Variants in MAGI2 observed in about 807,000 individuals in gnomAD.
The protein encoded by MAGI2 is membrane associated guanylate kinase, WW and PDZ domain containing 2, also known as membrane-associated guanylate kinase, WW and PDZ domain-containing protein 2.
MAGI2 carries 35 observed loss-of-function variants against 133.3 expected under a neutral mutation model. The ratio of observed to expected loss-of-function variants is 0.26; its 90% confidence interval spans 0.20 to 0.35. MAGI2 has a LOEUF of 0.35. Ranked by LOEUF, MAGI2 falls within the 10% of genes least tolerant of loss-of-function variation. MAGI2 has a pLI of 1.00. For synonymous variants in MAGI2, 729 were observed against 710.6 expected (o/e 1.03, Z -0.41); for missense variants, 1,636 against 1,863.4 (o/e 0.88, Z 2.25).
rs913969344 is a variant in MAGI2, at chr7:79,225,211, T to C, written c.302-218005A>G. 8.5e-5 allele frequency among the ~76,000 whole-genome samples: 13 copies of C among 152,298 alleles called. 1 individual carries two copies. The highest frequency in any genetic ancestry group is 7.2e-4 in the Admixed American group (11 of 15,294). On this transcript the variant is annotated intron_variant, in intron 1 of 21. Transcript: ENST00000354212. ...TTTGTCTCTTATGATACATAAAATA[T>C]AGAACCCGTGCCTGACACTGCACCA...
intron 15 of MAGI2, among the ~76,000 whole-genome samples, chr7:78,163,115 C>G (rs776909424): frequency 5.3e-5 from 8 of 152,016 alleles, no homozygotes; most frequent in Non-Finnish European, 1.0e-4. Context: ...CTACTAAAGT[C>G]AAATAATTAG....
chr7:78,554,560 C>T (rs1033665379), intron 3 of MAGI2: 1 of 152,250 alleles, frequency 6.6e-6, no homozygotes, highest in African/African-American at 2.4e-5. Context: ...AGGAAGGTCA[C>T]TCTTACCTTC....
intron 1 of MAGI2, among the ~76,000 whole-genome samples, chr7:79,317,328 T>G (rs1398284051): frequency 6.6e-6 from 1 of 152,112 alleles, no homozygotes; most frequent in African/African-American, 2.4e-5. Context: ...CCAGCCAAAC[T>G]GTAGCTTTTA....
At chr7:79,099,992 G>A (rs1817837432) in intron 1 of MAGI2, among the ~76,000 whole-genome samples, 1 of 152,114 alleles carries the variant, frequency 6.6e-6, no homozygotes, top group South Asian at 2.1e-4. Flanking sequence ...GCATATATGT[G>A]TGTGAACATT....
At chr7:78,163,584 A>G (rs1472085805) in intron 15 of MAGI2, among the ~76,000 whole-genome samples, 1 of 152,120 alleles carries the variant, frequency 6.6e-6, no homozygotes, top group Non-Finnish European at 1.5e-5. Flanking sequence ...AGTACATTTA[A>G]CTATTGGCCA....
chr7:78,813,988 C>A (rs1198330582), intron 2 of MAGI2, among the ~76,000 whole-genome samples: 2 of 152,086 alleles, frequency 1.3e-5, no homozygotes, highest in African/African-American at 4.8e-5. Flanking sequence ...CCCTTCTATT[C>A]CACATTACAC....
At chr7:78,162,524 C>CAA (rs773765110) in intron 15 of MAGI2, among the ~76,000 whole-genome samples, 1,822 of 54,530 alleles carry the variant, frequency 0.033, 57 homozygotes, top group Non-Finnish European at 0.044. Context: ...GACTCTGCCT[C>CAA]AAAAAAAAAA....
chr7:78,202,215 T>G lies in MAGI2; in HGVS notation c.2048-1022A>C, dbSNP rs1313894815. Among the ~76,000 whole-genome samples the G allele has an allele frequency of 2.6e-5, 4 of 151,760 alleles. 1 individual carries two copies. Among genetic ancestry groups the G allele is most frequent in the African/African-American group, 9.7e-5 (4 of 41,036 alleles). On this transcript the variant is annotated intron_variant, in intron 10 of 21. Coordinates refer to ENST00000354212, the MANE Select transcript of MAGI2 (RefSeq NM_012301.4). ...TATGTTTATCATCTTTAAAACAGAC[T>G]TGTTCAAAATGGGCATAGTTGACAA... is the stretch of plus-strand genomic sequence containing the variant.
chr7:79,360,333 A>G (rs1430210130), intron 1 of MAGI2, among the ~76,000 whole-genome samples: 1 of 152,156 alleles, frequency 6.6e-6, no homozygotes, highest in East Asian at 1.9e-4. Flanking sequence ...TTCCTCTGAC[A>G]ACTATTCTTG....
chr7:78,512,397 T>A (rs1795679594), intron 4 of MAGI2, among the ~76,000 whole-genome samples: 1 of 152,160 alleles, frequency 6.6e-6, no homozygotes, highest in African/African-American at 2.4e-5. Context: ...TTTATATATG[T>A]AATTTTTTAG....
chr7:78,489,821 A>T lies in MAGI2; in HGVS notation c.985T>A (p.Ser329Thr). The part of the protein sequence containing the change: ...YFIDHNTKTT[S>T]WLDPRLAKKA... ...TTCGCAAGTCGTGGATCCAGCCATG[A>T]TGTTGTCTTTGTGTTATGGCTGAAA... is the stretch of plus-strand genomic sequence containing the variant. Residue 329 changes from serine to threonine, a missense_variant, in exon 6 of 22, where the codon TCA becomes ACA. Physicochemically the swap from Ser to Thr is moderately conservative, Grantham distance 58. Transcript: ENST00000354212. The T allele has an allele frequency of 6.2e-7, 1 of 1,612,760 alleles. No individual in the cohort carries two copies. The highest frequency in any genetic ancestry group is 1.7e-5 in the Admixed American group (1 of 59,896).
At chr7:78,945,828 A>T (rs1040308935) in intron 2 of MAGI2, among the ~76,000 whole-genome samples, 1 of 152,148 alleles carries the variant, frequency 6.6e-6, no homozygotes, top group Non-Finnish European at 1.5e-5. Context: ...TAAACTCTAC[A>T]TCCTCAAAAT....
intron 9 of MAGI2, among the ~76,000 whole-genome samples, chr7:78,284,637 C>G (rs1795967634): frequency 6.6e-6 from 1 of 152,046 alleles, no homozygotes; most frequent in Non-Finnish European, 1.5e-5. Flanking sequence ...ATATAGTTCA[C>G]TGAGCTGTAA....
intron 2 of MAGI2, among the ~76,000 whole-genome samples, chr7:78,670,078 T>C (rs1015726950): frequency 4.6e-5 from 7 of 151,458 alleles, no homozygotes; most frequent in East Asian, 1.9e-4. Flanking sequence ...CCAGGGCAAT[T>C]AGGCAGGAGA....
At chr7:78,335,966 A>T (rs1789717649) in intron 9 of MAGI2, among the ~76,000 whole-genome samples, 1 of 152,194 alleles carries the variant, frequency 6.6e-6, no homozygotes, top group South Asian at 2.1e-4. Context: ...TCTTTCTAAA[A>T]GAAAGTAAAT....
chr7:78,632,561 C>G (rs1320416459), intron 2 of MAGI2, among the ~76,000 whole-genome samples: 1 of 152,204 alleles, frequency 6.6e-6, no homozygotes, highest in Non-Finnish European at 1.5e-5. Context: ...AGAAATTCCA[C>G]TTATTTCACA....
At chr7:79,193,334 T>C (rs984820877) in intron 1 of MAGI2, among the ~76,000 whole-genome samples, 5 of 152,020 alleles carry the variant, frequency 3.3e-5, no homozygotes, top group Non-Finnish European at 7.4e-5. Context: ...CTTTCAGTTC[T>C]TCCTTACTCA....
intron 6 of MAGI2, among the ~76,000 whole-genome samples, chr7:78,419,344 T>A (rs1156990235): frequency 6.6e-6 from 1 of 152,106 alleles, no homozygotes; most frequent in African/African-American, 2.4e-5. Context: ...ATAACTGGTG[T>A]GTAGCCCTTC....
At position 78,887,721 on chromosome 7, in the gene MAGI2, A is replaced by G. The variant is rs562114977; in HGVS notation, c.418+119369T>C. Reference sequence around the variant, plus strand: ...TTCACAGAAGAAAATGTAGACTTACAGAGCACTTTAGAATTTCCAAATCAG... The same window carrying G: ...TTCACAGAAGAAAATGTAGACTTACGGAGCACTTTAGAATTTCCAAATCAG... On this transcript the variant is annotated intron_variant, in intron 2 of 21. Coordinates refer to ENST00000354212, the MANE Select transcript of MAGI2 (RefSeq NM_012301.4). Among the ~76,000 whole-genome samples, 32 of 152,358 alleles carry G rather than the reference A, an allele frequency of 2.1e-4. No homozygotes were observed. In the South Asian group the frequency reaches 6.4e-3, roughly 31 times the overall value.
Sources: gnomAD v4.1 joint callset for allele counts (sites outside exome capture counted in the v4.1 genomes callset) on GRCh38, gnomAD v4.1.1 for gene constraint, MANE v1.5 for transcripts, NCBI Gene and HGNC (gene_info 2026-07-23, HGNC 2026-07-21) for gene names.